PBRM1: variants seen among roughly 807,000 people sequenced by gnomAD.
PBRM1 encodes the protein protein polybromo-1.
A neutral mutation model predicts 194.5 loss-of-function variants in PBRM1; 27 were observed. The observed-to-expected ratio is 0.14, with a 90% CI of 0.10 to 0.19. The LOEUF is 0.19. Ranked by LOEUF, PBRM1 falls within the 10% of genes least tolerant of loss-of-function variation. PBRM1 has a pLI of 1.00. For synonymous variants in PBRM1, 655 were observed against 693.2 expected, an observed-to-expected ratio of 0.94 and a Z score of 0.87; for missense variants, 1,466 against 2,077.2, an observed-to-expected ratio of 0.71 and a Z score of 5.72.
At chr3:52,575,742 G>A (rs2089392016) in intron 22 of PBRM1, among the ~76,000 whole-genome samples, 1 of 144,078 alleles carries the variant, frequency 6.9e-6, no homozygotes, top group African/African-American at 2.6e-5. Context: ...TCAAACTCTC[G>A]ACCTTAGGTG....
chr3:52,648,998 A>G (rs992867952), intron 6 of PBRM1, among the ~76,000 whole-genome samples: 1 of 152,224 alleles, frequency 6.6e-6, no homozygotes, highest in Non-Finnish European at 1.5e-5. Context: ...AAAGACGGAC[A>G]CACTTTTAGG....
exon 10 of PBRM1, chr3:52,642,032 C>T (rs2153707892): frequency 1.3e-6 from 2 of 1,556,086 alleles, no homozygotes; most frequent in Non-Finnish European, 1.8e-6. Flanking sequence ...CCTCCTTGTA[C>T]TGCTCTTTTA....
At chr3:52,666,487 G>C (rs1276896411) in intron 3 of PBRM1, among the ~76,000 whole-genome samples, 1 of 151,790 alleles carries the variant, frequency 6.6e-6, no homozygotes, top group African/African-American at 2.4e-5. Flanking sequence ...AGTGAGCCGA[G>C]ATCGCGCCAC....
rs1332292182 is a variant in PBRM1, at chr3:52,676,020, C to T, written c.236+2480G>A. Among the ~76,000 whole-genome samples, 5 of 85,038 alleles carry T rather than the reference C, an allele frequency of 5.9e-5. 2 individuals carry two copies. Among genetic ancestry groups the T allele is most frequent in the African/African-American group, 2.1e-4 (4 of 19,512 alleles). 55.8% of individuals were successfully genotyped at this position (85,038 alleles called of 152,430 possible). A position where few individuals can be genotyped will look rare whatever the true frequency, so the allele number is the denominator to read the frequency against. Reference sequence around the variant, plus strand: ...GTCCCAGCTACTTGGGAGGCTGAGGCGGGAGAATGGCGTGAACCCGGGAGG... The same window carrying T: ...GTCCCAGCTACTTGGGAGGCTGAGGTGGGAGAATGGCGTGAACCCGGGAGG... On this transcript the variant is annotated intron_variant, in intron 2 of 29. Coordinates refer to ENST00000296302, the Ensembl canonical transcript of PBRM1.
At chr3:52,632,975 T>C (rs1035816251) in intron 11 of PBRM1, among the ~76,000 whole-genome samples, 3 of 152,234 alleles carry the variant, frequency 2.0e-5, no homozygotes, top group South Asian at 2.1e-4. Flanking sequence ...GCTGGGATTA[T>C]AGGTGTGAGC....
intron 8 of PBRM1, among the ~76,000 whole-genome samples, chr3:52,644,153 T>C (rs2096216297): frequency 6.6e-6 from 1 of 151,948 alleles, no homozygotes. Flanking sequence ...TGTATATTCA[T>C]ATTTGTACAA....
chr3:52,552,759 C>G, intron 27 of PBRM1, among the ~76,000 whole-genome samples: 1 of 152,218 alleles, frequency 6.6e-6, no homozygotes. Flanking sequence ...AAACTCCAGC[C>G]TGGTCTTATT....
chr3:52,675,243 A>C (rs12496634), intron 2 of PBRM1, among the ~76,000 whole-genome samples: 52,002 of 152,022 alleles, frequency 0.34, 9,905 homozygotes, highest in Admixed American at 0.46. Flanking sequence ...CCACAAAGAA[A>C]ATCCCTAGAC....
chr3:52,548,224 C>G (rs201397730), exon 30 of PBRM1: 1 of 1,572,654 alleles, frequency 6.4e-7, no homozygotes, highest in African/African-American at 1.4e-5. Context: ...AAATGGACGT[C>G]GCGTCTTCGA....
chr3:52,611,340 G>C (rs540308080), intron 15 of PBRM1, among the ~76,000 whole-genome samples: 1 of 152,280 alleles, frequency 6.6e-6, no homozygotes, highest in South Asian at 2.1e-4. Flanking sequence ...CCTGTTAACA[G>C]AAAGCCATAA....
Position 52,604,958 on chromosome 3 carries a change from A to AAAATAAATAAATAAATAAATAAATAAAT in PBRM1, c.2568-1254_2568-1227dup, listed in dbSNP as rs144080973. Among the ~76,000 whole-genome samples, 30 of 145,774 alleles carry AAAATAAATAAATAAATAAATAAATAAAT rather than the reference A, an allele frequency of 2.1e-4. 1 individual carries two copies. The highest frequency in any genetic ancestry group is 4.1e-4 in the East Asian group (2 of 4,858). On this transcript the variant is annotated intron_variant, in intron 16 of 29. Coordinates refer to ENST00000296302, the Ensembl canonical transcript of PBRM1. ...AACAGAGTGAGTGAGACTCTGTCCC[A>AAAATAAATAAATAAATAAATAAATAAAT]AAATAAATAAATAAATAAATAAATA...
At chr3:52,682,498 C>G (rs1258914323), upstream of PBRM1, among the ~76,000 whole-genome samples, 1 of 151,968 alleles carries the variant, frequency 6.6e-6, no homozygotes, top group Non-Finnish European at 1.5e-5. Context: ...TCGGATGACA[C>G]AATATCCCAA....
exon 29 of PBRM1, chr3:52,550,484 T>G: frequency 1.3e-6 from 2 of 1,580,758 alleles, no homozygotes; most frequent in Non-Finnish European, 1.7e-6. Flanking sequence ...TCAATGTATT[T>G]CAGGTAGGCC....
intron 15 of PBRM1, among the ~76,000 whole-genome samples, chr3:52,614,375 A>G (rs2094831744): frequency 7.6e-6 from 1 of 130,784 alleles, no homozygotes; most frequent in Non-Finnish European, 1.5e-5. Context: ...TGCTTCATCA[A>G]AAAAAAAAAA....
chr3:52,596,619 G>A (rs905050449), intron 17 of PBRM1, among the ~76,000 whole-genome samples: 3 of 151,948 alleles, frequency 2.0e-5, no homozygotes, highest in Non-Finnish European at 4.4e-5. Flanking sequence ...CTGGCTCAGG[G>A]GCATGTCTAG....
At chr3:52,576,474 A>C in intron 22 of PBRM1, 67 bp downstream of exon 24, 1 of 1,268,676 alleles carries the variant, frequency 7.9e-7, no homozygotes, top group South Asian at 1.4e-5. Flanking sequence ...ACAGTGCCCC[A>C]CAGAAGTAGT....
At chr3:52,568,538 C>A (rs1463539331) in intron 22 of PBRM1, among the ~76,000 whole-genome samples, 1 of 152,074 alleles carries the variant, frequency 6.6e-6, no homozygotes, top group African/African-American at 2.4e-5. Flanking sequence ...CAGAGATTAA[C>A]AAAATTTCTT....
At chr3:52,650,291 A>G (rs2096452399) in intron 6 of PBRM1, among the ~76,000 whole-genome samples, 1 of 136,426 alleles carries the variant, frequency 7.3e-6, no homozygotes, top group Non-Finnish European at 1.5e-5. Context: ...TGAGTCCAAG[A>G]GGTGGAGGTT....
downstream of PBRM1, chr3:52,545,899 A>G (rs1455732670): frequency 4.3e-6 from 1 of 232,984 alleles, no homozygotes; most frequent in Non-Finnish European, 8.5e-6. Flanking sequence ...TATATCCTAA[A>G]TATTAACGAT....
Sources: allele counts gnomAD v4.1 joint callset (sites outside exome capture counted in the v4.1 genomes callset), GRCh38; gene constraint gnomAD v4.1.1; transcripts MANE v1.5; gene names NCBI Gene and HGNC (gene_info 2026-07-23, HGNC 2026-07-21).